The following PKP4 variants were observed in gnomAD, a reference collection of about 807,000 sequenced individuals.
The protein encoded by PKP4 is plakophilin 4, also known as plakophilin-4.
In PKP4, 90 loss-of-function variants were observed where a neutral mutation model predicts 145.1. That is an observed-to-expected ratio of 0.62 (90% CI 0.52 to 0.74). PKP4 has a LOEUF of 0.74. PKP4 is among the 30% of genes least tolerant of loss of function. The probability of loss-of-function intolerance (pLI) is 0.00; values close to 1 mark genes in which losing one functional copy is unlikely to be tolerated. For synonymous variants in PKP4, 563 were observed against 577.2 expected, an observed-to-expected ratio of 0.98 and a Z score of 0.35; for missense variants, 1,340 against 1,482.7, an observed-to-expected ratio of 0.90 and a Z score of 1.58.
At chr2:158,605,922 C>T (rs565077293) in intron 4 of PKP4, among the ~76,000 whole-genome samples, 3 of 152,236 alleles carry the variant, frequency 2.0e-5, no homozygotes, top group East Asian at 1.9e-4. Flanking sequence ...GTTCCTTTCA[C>T]TTGGCATGAT....
chr2:158,673,619 C>T, intron 17 of PKP4, 58 bp from the exon 18 acceptor site: 1 of 1,277,920 alleles, frequency 7.8e-7, no homozygotes, highest in South Asian at 1.2e-5. Context: ...CTGCACCCCT[C>T]TGAGTGGGGC....
chr2:158,596,710 T>C (rs975587695), intron 3 of PKP4, among the ~76,000 whole-genome samples: 3 of 152,012 alleles, frequency 2.0e-5, no homozygotes, highest in Non-Finnish European at 4.4e-5. Flanking sequence ...ACGCTACTCA[T>C]TTGAGATGGT....
chr2:158,640,422 G>A (rs986476230), intron 9 of PKP4, among the ~76,000 whole-genome samples: 13 of 152,272 alleles, frequency 8.5e-5, no homozygotes, highest in Admixed American at 3.3e-4. Flanking sequence ...GCATCTGTGC[G>A]TCATGATTTC....
At chr2:158,602,815 G>A (rs1558870427) in intron 3 of PKP4, among the ~76,000 whole-genome samples, 1 of 152,046 alleles carries the variant, frequency 6.6e-6, no homozygotes, top group Non-Finnish European at 1.5e-5. Flanking sequence ...TCATACAGTT[G>A]TGCTGTTTTG....
intron 1 of PKP4, among the ~76,000 whole-genome samples, chr2:158,522,787 G>A (rs1262816229): frequency 6.6e-6 from 1 of 152,208 alleles, no homozygotes; most frequent in Non-Finnish European, 1.5e-5. Context: ...CCGTGCGCGA[G>A]CCAAAGCAGG....
chr2:158,565,875 G>A (rs3771611), intron 2 of PKP4, among the ~76,000 whole-genome samples: 4,267 of 152,232 alleles, frequency 0.028, 158 homozygotes, highest in East Asian at 0.14. Context: ...TTAGAAAGGA[G>A]TGATGATATT....
chr2:158,606,221 A>G (rs1366383289), intron 4 of PKP4, among the ~76,000 whole-genome samples: 3 of 152,036 alleles, frequency 2.0e-5, no homozygotes, highest in Non-Finnish European at 4.4e-5. Flanking sequence ...TAACATTTCC[A>G]CTAGTTAAAA....
At chr2:158,631,094 C>T (rs1039036203) in intron 7 of PKP4, among the ~76,000 whole-genome samples, 2 of 152,002 alleles carry the variant, frequency 1.3e-5, no homozygotes, top group South Asian at 2.1e-4. Flanking sequence ...CCCGCCACCA[C>T]GCCCGGCTAA....
rs1454386520 is a variant in PKP4 at position 158,544,961 on chromosome 2, A to G, written c.132+11645A>G. On this transcript the variant is annotated intron_variant, in intron 2 of 21. Coordinates refer to ENST00000389759, the MANE Select transcript of PKP4 (RefSeq NM_003628.6). ...TCCAAGGCCTCTCATTCACAGGACT[A>G]GGATTTGGTTCCATCCTCTGAATGT... Among the ~76,000 whole-genome samples, 6 of 151,626 alleles carry G rather than the reference A, an allele frequency of 4.0e-5. No individual in the cohort carries two copies. The East Asian group carries it at 9.8e-4, about 25-fold the overall frequency.
At chr2:158,493,629 A>G (rs1481676328) in intron 1 of PKP4, among the ~76,000 whole-genome samples, 1 of 152,210 alleles carries the variant, frequency 6.6e-6, no homozygotes, top group South Asian at 2.1e-4. Context: ...AGTCGGTGAC[A>G]CAGTGACGTT....
chr2:158,666,367 C>A, intron 15 of PKP4, 46 bp from the exon 16 acceptor site: 3 of 1,480,794 alleles, frequency 2.0e-6, no homozygotes, highest in Non-Finnish European at 1.8e-6. Context: ...ACATATGAGA[C>A]TGGAACTCTG....
chr2:158,460,965 G>T (rs1442288196), intron 1 of PKP4, among the ~76,000 whole-genome samples: 1 of 152,170 alleles, frequency 6.6e-6, no homozygotes, highest in East Asian at 1.9e-4. Flanking sequence ...ATAGAGAAAA[G>T]AAGGAAAACT....
At chr2:158,664,599 T>A (rs973925382) in intron 15 of PKP4, among the ~76,000 whole-genome samples, 1 of 152,112 alleles carries the variant, frequency 6.6e-6, no homozygotes, top group Non-Finnish European at 1.5e-5. Context: ...TAAGCCTAGG[T>A]ATGGTTTGTT....
At chr2:158,677,065 TTGTA>T (rs556790740) in intron 20 of PKP4, 198 bp downstream of exon 20, 67 of 657,546 alleles carry the variant, frequency 1.0e-4, no homozygotes, top group African/African-American at 2.9e-4. Flanking sequence ...ATGTACTTGT[TTGTA>T]TGTATGTATG....
chr2:158,589,966 G>A (rs938388246), intron 3 of PKP4, among the ~76,000 whole-genome samples: 2 of 152,108 alleles, frequency 1.3e-5, no homozygotes, highest in African/African-American at 4.8e-5. Context: ...TCGTAAAAAT[G>A]TACATGGCAT....
At chr2:158,460,151 A>G (rs13017056) in intron 1 of PKP4, among the ~76,000 whole-genome samples, 2 of 152,196 alleles carry the variant, frequency 1.3e-5, no homozygotes, top group African/African-American at 4.8e-5. Context: ...ATGGAAAACA[A>G]GGGAAGAAGA....
intron 1 of PKP4, among the ~76,000 whole-genome samples, chr2:158,529,849 T>C (rs2043357803): frequency 6.6e-6 from 1 of 152,242 alleles, no homozygotes; most frequent in African/African-American, 2.4e-5. Context: ...ATTTTAATTT[T>C]ATCTCCCTCT....
At position 158,470,979 on chromosome 2, in the gene PKP4, A is replaced by G. The variant is rs546839154; in HGVS notation, c.-6+13761A>G. 4.6e-5 allele frequency among the ~76,000 whole-genome samples: 7 copies of G among 152,264 alleles called. No individual in the cohort carries two copies. The South Asian group carries it at 1.2e-3, about 27-fold the overall frequency. On this transcript the variant is annotated intron_variant, in intron 1 of 21. Coordinates refer to ENST00000389759, the MANE Select transcript of PKP4 (RefSeq NM_003628.6). ...ATTGAGAATGAAAATTTCTGAGAGTATTGTTAAGCCATCCCAATTTAAAAA... is the reference window on the plus strand; with the variant it reads ...ATTGAGAATGAAAATTTCTGAGAGTGTTGTTAAGCCATCCCAATTTAAAAA...
intron 1 of PKP4, among the ~76,000 whole-genome samples, chr2:158,470,798 G>A (rs1007071655): frequency 2.6e-5 from 4 of 152,104 alleles, no homozygotes; most frequent in African/African-American, 9.7e-5. Flanking sequence ...CCCCTTGAGG[G>A]CTCTTCTACA....
Sources: allele counts gnomAD v4.1 joint callset (sites outside exome capture counted in the v4.1 genomes callset), GRCh38; gene constraint gnomAD v4.1.1; transcripts MANE v1.5; gene names NCBI Gene and HGNC (gene_info 2026-07-23, HGNC 2026-07-21).